HMCN2: variants seen among roughly 807,000 people sequenced by gnomAD.
HMCN2 encodes hemicentin 2.
In HMCN2, 325 loss-of-function variants were observed where a neutral mutation model predicts 377.5. The observed-to-expected ratio is 0.86, with a 90% CI of 0.79 to 0.94. HMCN2 has a LOEUF of 0.94. HMCN2 is among the 40% of genes least tolerant of loss of function. The probability of loss-of-function intolerance (pLI) is 0.00; values close to 1 mark genes in which losing one functional copy is unlikely to be tolerated. For missense variants in HMCN2, 4,543 were observed against 4,725.3 expected (o/e 0.96, Z 1.13); for synonymous variants, 2,007 against 2,046.8 (o/e 0.98, Z 0.53).
At chr9:130,389,549 C>T (rs983750950) in intron 62 of HMCN2, among the ~76,000 whole-genome samples, 6 of 151,712 alleles carry the variant, frequency 4.0e-5, no homozygotes, top group Non-Finnish European at 7.4e-5. Context: ...AAGTTTCATC[C>T]GTGTTGTAGC....
chr9:130,285,443 G>A, intron 3 of HMCN2, 127 bp downstream of exon 3: 1 of 380,092 alleles, frequency 2.6e-6, no homozygotes, highest in Non-Finnish European at 5.3e-6. Flanking sequence ...CACAGCCTTG[G>A]GTCCAGCCTC....
chr9:130,404,835 C>T (rs1290342231), intron 80 of HMCN2, 34 bp from the exon 81 acceptor site: 1 of 1,197,650 alleles, frequency 8.3e-7, no homozygotes, highest in East Asian at 6.7e-5. Context: ...CCTCCCTGAG[C>T]CCCGGTTCCG....
chr9:130,331,701 A>G (rs1453337643), intron 22 of HMCN2, among the ~76,000 whole-genome samples: 1 of 152,186 alleles, frequency 6.6e-6, no homozygotes, highest in Non-Finnish European at 1.5e-5. Context: ...CTCTGGTCCC[A>G]TGATTCAGCC....
At chr9:130,291,430 A>G (rs1835758524) in intron 4 of HMCN2, among the ~76,000 whole-genome samples, 1 of 152,180 alleles carries the variant, frequency 6.6e-6, no homozygotes, top group South Asian at 2.1e-4. Flanking sequence ...GGCTAGTCTC[A>G]AACTTCTGAC....
Position 130,375,961 on chromosome 9 carries a change from C to T in HMCN2, c.7890C>T (p.Ala2630=), listed in dbSNP as rs962983272. Residue 2630 remains alanine (A), a synonymous_variant, in exon 51 of 98, where the codon GCC becomes GCT. Transcript: ENST00000683500. ...TCVVTNELGE[A]VKNYHVEVLI... is the part of the protein sequence containing the mutation. The stretch of plus-strand genomic sequence containing the variant: ...TGGTCACCAATGAGCTCGGGGAGGC[C>T]GTGAAAAACTACCATGTGGAAGTGC... 8 of 985,686 alleles carry T rather than the reference C, an allele frequency of 8.1e-6. No individual in the cohort carries two copies. The highest frequency in any genetic ancestry group is 4.7e-5 in the South Asian group (1 of 21,284). The allele number at this position is 985,686 out of a possible 1,614,324, so 61.1% of individuals were successfully genotyped here.
rs1229794765 is a variant in HMCN2 at position 130,406,294 on chromosome 9, G to A, written c.12553+126G>A. On this transcript the variant is annotated intron_variant, in intron 82 of 97. Coordinates refer to ENST00000683500, the MANE Select transcript of HMCN2 (RefSeq NM_001291815.2). Reference sequence around the variant, plus strand: ...TTGTCAGCCAGCCCTGTTGGTTCTGGGTCTTCCAACGTGGCCCTATGTAGG... The same window carrying A: ...TTGTCAGCCAGCCCTGTTGGTTCTGAGTCTTCCAACGTGGCCCTATGTAGG... 3.8e-6 allele frequency: 3 copies of A among 799,230 alleles called. No homozygotes were observed. The Admixed American group carries it at 7.4e-5, about 20-fold the overall frequency. The allele number at this position is 799,230 out of a possible 1,614,324, so 49.5% of individuals were successfully genotyped here. A position where few individuals can be genotyped will look rare whatever the true frequency, so the allele number is the denominator to read the frequency against.
intron 54 of HMCN2, among the ~76,000 whole-genome samples, chr9:130,381,420 C>T (rs1177416460): frequency 6.6e-6 from 1 of 152,026 alleles, no homozygotes; most frequent in African/African-American, 2.4e-5. Flanking sequence ...GCCCAGGCTA[C>T]AGTGCAGTGG....
intron 1 of HMCN2, among the ~76,000 whole-genome samples, chr9:130,279,739 C>G (rs1385714298): frequency 6.6e-6 from 1 of 152,250 alleles, no homozygotes; most frequent in Non-Finnish European, 1.5e-5. Context: ...TGGTGAAAGC[C>G]GTGGTAGGGT....
chr9:130,327,848 G>A (rs1483236382), intron 22 of HMCN2, among the ~76,000 whole-genome samples: 5 of 152,186 alleles, frequency 3.3e-5, no homozygotes, highest in African/African-American at 9.6e-5. Context: ...CCACGTCCCC[G>A]CCACGACACA....
chr9:130,348,611 C>T lies in HMCN2; in HGVS notation c.4091C>T (p.Thr1364Met), dbSNP rs901004100. ...NVSGMAGQSL[T>M]LECDANGFPV... ...TCGGGTATGGCCGGGCAGTCCCTGA[C>T]GCTGGAGTGTGACGCGAACGGCTTT... The change falls in exon 27 of 98, where the codon ACG becomes ATG. Residue 1364 changes from threonine to methionine, a missense_variant. Thr to Met is a moderately conservative substitution (Grantham distance 81). Transcript: ENST00000683500. 6.1e-6 allele frequency: 8 copies of T among 1,303,310 alleles called. No individual in the cohort carries two copies. Among genetic ancestry groups the T allele is most frequent in the East Asian group, 5.6e-5 (1 of 17,878 alleles). The allele number at this position is 1,303,310 out of a possible 1,614,324, so 80.7% of individuals were successfully genotyped here. A position where few individuals can be genotyped will look rare whatever the true frequency, so the allele number is the denominator to read the frequency against.
At chr9:130,321,742 T>C (rs1356668327) in intron 18 of HMCN2, 45 bp from the exon 19 acceptor site, 6 of 152,144 alleles carry the variant, frequency 3.9e-5, no homozygotes, top group African/African-American at 1.5e-4. Context: ...CAGCTGCCTC[T>C]GAGTGAGGCC....
intron 39 of HMCN2, 43 bp downstream of exon 39, chr9:130,362,208 C>A: frequency 1.0e-6 from 1 of 980,612 alleles, no homozygotes; most frequent in Non-Finnish European, 1.2e-6. Flanking sequence ...CCCTGCACCT[C>A]CCGTAGATGC....
rs575237807 is a variant in HMCN2 at position 130,396,252 on chromosome 9, G to A, written c.11137G>A (p.Val3713Met). ...TALLPCQADG[V>M]PAPLVSWRKD... ...CCTGCTGCCTTGCCAGGCCGACGGC[G>A]TGCCCGCACCCCTCGTGAGCTGGCG... The change falls in exon 73 of 98, where the codon GTG becomes ATG. Residue 3713 changes from valine to methionine, a missense_variant. Transcript: ENST00000683500. 45 of 1,286,670 alleles carry A rather than the reference G, an allele frequency of 3.5e-5. No homozygotes were observed. Among genetic ancestry groups the A allele is most frequent in the Middle Eastern group, 4.2e-4 (2 of 4,706 alleles). 79.7% of individuals were successfully genotyped at this position (1,286,670 alleles called of 1,614,324 possible).
chr9:130,342,375 G>T lies in HMCN2; in HGVS notation c.3768G>T (p.Glu1256Asp), dbSNP rs1172715258. 1 of 152,344 alleles carries T rather than the reference G, an allele frequency of 6.6e-6. No homozygotes were observed. The highest frequency in any genetic ancestry group is 1.5e-5 in the Non-Finnish European group (1 of 68,148). 9.4% of individuals were successfully genotyped at this position (152,344 alleles called of 1,614,324 possible). ...AGCCACCACACTGGGGGGCTGATGA[G>T]ACCAGCGGCCTGCTGGAGCGAGTGG... ...VLEPPHWGAD[E>D]TSGLLERVAG... is the part of the protein sequence containing the mutation. The change falls in exon 25 of 98, where the codon GAG becomes GAT. Residue 1256 changes from glutamate (E) to aspartate (D), a missense_variant. Transcript: ENST00000683500.
Position 130,386,503 on chromosome 9 carries a change from A to C in HMCN2, c.9370A>C (p.Thr3124Pro), listed in dbSNP as rs747267385. ...VSNVAGEAVR[T>P]FTLTVQVPPT... is the part of the protein sequence containing the mutation. ...CAACGTGGCTGGGGAGGCCGTGCGGACCTTCACCCTCACCGTCCAGGGTAA... is the reference window on the plus strand; with the variant it reads ...CAACGTGGCTGGGGAGGCCGTGCGGCCCTTCACCCTCACCGTCCAGGGTAA... Residue 3124 changes from threonine to proline, a missense_variant, in exon 61 of 98, where the codon ACC becomes CCC. Thr to Pro is a conservative substitution (Grantham distance 38). Around this residue, in one of 5 missense-constraint regions of HMCN2, gnomAD observed 736 missense variants for 773.2 expected, o/e 0.95. Coordinates refer to ENST00000683500, the MANE Select transcript of HMCN2 (RefSeq NM_001291815.2). 1 of 1,303,552 alleles carries C rather than the reference A, an allele frequency of 7.7e-7. No homozygotes were observed. The highest frequency in any genetic ancestry group is 1.0e-6 in the Non-Finnish European group (1 of 988,834). The allele number at this position is 1,303,552 out of a possible 1,614,324, so 80.7% of individuals were successfully genotyped here. A position where few individuals can be genotyped will look rare whatever the true frequency, so the allele number is the denominator to read the frequency against.
chr9:130,432,220 G>A (rs754662364), intron 96 of HMCN2, among the ~76,000 whole-genome samples: 3 of 152,264 alleles, frequency 2.0e-5, no homozygotes, highest in African/African-American at 2.4e-5. Flanking sequence ...CCACCTACAC[G>A]CCCTGGAAAG....
rs1214497309 is a variant in HMCN2 at position 130,384,666 on chromosome 9, G to T, written c.8993-19G>T. 2 of 1,302,174 alleles carry T rather than the reference G, an allele frequency of 1.5e-6. No individual in the cohort carries two copies. The highest frequency in any genetic ancestry group is 2.5e-5 in the South Asian group (2 of 81,012). 80.7% of individuals were successfully genotyped at this position (1,302,174 alleles called of 1,614,324 possible). A position where few individuals can be genotyped will look rare whatever the true frequency, so the allele number is the denominator to read the frequency against. ...GCTGGGCTGGAATGCTGGTGTGAGG[G>T]GCTGGCTTCCCCCGGCAGGCACCCA... On this transcript the variant is annotated intron_variant, in intron 58 of 97. Coordinates refer to ENST00000683500, the MANE Select transcript of HMCN2 (RefSeq NM_001291815.2).
At chr9:130,418,267 A>G (rs543448291) in intron 85 of HMCN2, among the ~76,000 whole-genome samples, 1 of 152,340 alleles carries the variant, frequency 6.6e-6, no homozygotes, top group East Asian at 1.9e-4. Flanking sequence ...CAGAGGAAAA[A>G]TAAAAGCAGA....
Position 130,405,026 on chromosome 9 carries a change from G to C in HMCN2, c.12306G>C (p.Gln4102His). The change falls in exon 81 of 98, where the codon CAG (glutamine) becomes CAC (histidine). Residue 4102 changes from glutamine to histidine, a missense_variant. By Grantham distance (24) the Gln-to-His change is conservative (BLOSUM62 0). Around this residue, in one of 5 missense-constraint regions of HMCN2, gnomAD observed 1,073 missense variants for 1,319.5 expected, o/e 0.81. Coordinates refer to ENST00000683500, the MANE Select transcript of HMCN2 (RefSeq NM_001291815.2). Reference sequence around the variant, plus strand: ...GCGCCGAGGGGAAGTTCACCATCCAGCCTTCTGGGGAGTTGCTGGTGAAGA... The same window carrying C: ...GCGCCGAGGGGAAGTTCACCATCCACCCTTCTGGGGAGTTGCTGGTGAAGA... The part of the protein sequence containing the change: ...VSGAEGKFTI[Q>H]PSGELLVKNL... 1 of 1,288,522 alleles carries C rather than the reference G, an allele frequency of 7.8e-7. No individual in the cohort carries two copies. The highest frequency in any genetic ancestry group is 1.0e-6 in the Non-Finnish European group (1 of 988,344). The allele number at this position is 1,288,522 out of a possible 1,614,324, so 79.8% of individuals were successfully genotyped here.
Sources: gnomAD v4.1 joint callset for allele counts (sites outside exome capture counted in the v4.1 genomes callset) on GRCh38, gnomAD v4.1.1 for gene constraint, gnomAD v4.1.1 regional missense constraint, MANE v1.5 for transcripts, NCBI Gene and HGNC (gene_info 2026-07-23, HGNC 2026-07-21) for gene names.